The following DISC1 variants were observed in gnomAD, a reference collection of about 807,000 sequenced individuals.
The protein encoded by DISC1 is disrupted in schizophrenia 1 protein.
In DISC1, 57 loss-of-function variants were observed where a neutral mutation model predicts 84.5. That is an observed-to-expected ratio of 0.67 (90% CI 0.55 to 0.84). The LOEUF (loss-of-function observed/expected upper bound fraction) is 0.84. Ranked by LOEUF, DISC1 falls within the 40% of genes least tolerant of loss-of-function variation. The pLI is 0.00. For synonymous variants in DISC1, 411 were observed against 415.2 expected, an observed-to-expected ratio of 0.99 and a Z score of 0.12; for missense variants, 1,000 against 1,057.8, an observed-to-expected ratio of 0.95 and a Z score of 0.76.
intron 9 of DISC1, among the ~76,000 whole-genome samples, chr1:231,820,340 A>T (rs11122343): frequency 0.53 from 80,444 of 151,950 alleles, 22,165 homozygotes; most frequent in Non-Finnish European, 0.59. Context: ...TTGTGTTTTG[A>T]GGGTTAAAAA....
intron 9 of DISC1, among the ~76,000 whole-genome samples, chr1:231,855,927 G>A (rs781634714): frequency 5.3e-5 from 8 of 152,216 alleles, no homozygotes; most frequent in Non-Finnish European, 8.8e-5. Context: ...CTGCTGTACT[G>A]TTTAAGCTCA....
At chr1:231,863,077 A>G (rs1294927959) in intron 9 of DISC1, among the ~76,000 whole-genome samples, 1 of 152,154 alleles carries the variant, frequency 6.6e-6, no homozygotes, top group African/African-American at 2.4e-5. Flanking sequence ...AAAGACCAAC[A>G]TGTCTTCATT....
At chr1:231,985,187 A>G (rs1244519934) in intron 10 of DISC1, among the ~76,000 whole-genome samples, 1 of 151,840 alleles carries the variant, frequency 6.6e-6, no homozygotes, top group Admixed American at 6.6e-5. Context: ...TTAGCCAGGC[A>G]TGGTGGTGCA....
intron 12 of DISC1, among the ~76,000 whole-genome samples, chr1:232,033,527 G>T (rs978480846): frequency 6.6e-6 from 1 of 152,212 alleles, no homozygotes; most frequent in African/African-American, 2.4e-5. Context: ...TGTGAACACA[G>T]CACAGCTGGA....
chr1:231,959,971 G>T (rs997346884), intron 10 of DISC1, among the ~76,000 whole-genome samples: 1 of 152,120 alleles, frequency 6.6e-6, no homozygotes, highest in Non-Finnish European at 1.5e-5. Context: ...AGCACACACC[G>T]TAAGTTACAT....
chr1:231,754,377 CA>C (rs1223065965), intron 4 of DISC1, among the ~76,000 whole-genome samples: 7 of 152,280 alleles, frequency 4.6e-5, no homozygotes, highest in African/African-American at 1.7e-4. Flanking sequence ...AGGAAACTTA[CA>C]ATCATGGCAG....
At chr1:231,693,389 A>G (rs1287121126) in intron 1 of DISC1, among the ~76,000 whole-genome samples, 1 of 152,242 alleles carries the variant, frequency 6.6e-6, no homozygotes, top group Non-Finnish European at 1.5e-5. Flanking sequence ...TTCAACGAAT[A>G]GCTAGAGTAA....
rs1667807554 is a variant in DISC1 at position 232,009,226 on chromosome 1, T to A, written c.2307+177T>A. 5 of 1,416,218 alleles carry A rather than the reference T, an allele frequency of 3.5e-6. No individual in the cohort carries two copies. Among genetic ancestry groups the A allele is most frequent in the Non-Finnish European group, 4.6e-6 (5 of 1,088,436 alleles). 87.7% of individuals were successfully genotyped at this position (1,416,218 alleles called of 1,614,324 possible). ...AAATAAAGTAGAATTTTTGTAGAAG[T>A]TTGAAATATAGAAGAGCAAAAAAAC... On this transcript the variant is annotated intron_variant, in intron 11 of 12. Coordinates refer to ENST00000439617, the MANE Select transcript of DISC1 (RefSeq NM_018662.3). This position sits in a 1 kb window ranked among gnomAD's most constrained non-coding sequence, Gnocchi z 4.6.
intron 9 of DISC1, among the ~76,000 whole-genome samples, chr1:231,891,783 C>T (rs1337620901): frequency 6.6e-6 from 1 of 152,166 alleles, no homozygotes; most frequent in Non-Finnish European, 1.5e-5. Flanking sequence ...ATTATACCCA[C>T]CAGACTATTT....
At chr1:232,030,993 G>C (rs1287166867) in intron 12 of DISC1, among the ~76,000 whole-genome samples, 2 of 152,036 alleles carry the variant, frequency 1.3e-5, no homozygotes, top group Non-Finnish European at 2.9e-5. Context: ...CACACCTGTA[G>C]TCCCAGCTAC....
intron 8 of DISC1, among the ~76,000 whole-genome samples, chr1:231,801,382 A>G (rs1360621949): frequency 2.0e-5 from 3 of 152,236 alleles, no homozygotes; most frequent in Non-Finnish European, 4.4e-5. Context: ...AGTCTGTGTT[A>G]AGCCCAAGGG....
chr1:232,035,809 C>T (rs532580958), intron 12 of DISC1, among the ~76,000 whole-genome samples: 8 of 152,282 alleles, frequency 5.3e-5, no homozygotes, highest in East Asian at 1.9e-4. Flanking sequence ...AACTGGATGA[C>T]GTATGGACAG....
At chr1:231,902,411 G>A (rs2088253495) in intron 9 of DISC1, among the ~76,000 whole-genome samples, 1 of 152,006 alleles carries the variant, frequency 6.6e-6, no homozygotes, top group African/African-American at 2.4e-5. Context: ...GATCAGTCTG[G>A]CCAACATGAT....
chr1:232,019,425 C>G (rs202017555), intron 11 of DISC1, among the ~76,000 whole-genome samples: 1 of 152,156 alleles, frequency 6.6e-6, no homozygotes, highest in Non-Finnish European at 1.5e-5. Flanking sequence ...TCTTCAAAGA[C>G]ACTTTGAAAT....
chr1:231,735,558 T>C (rs902316160), intron 3 of DISC1, among the ~76,000 whole-genome samples: 4 of 152,250 alleles, frequency 2.6e-5, no homozygotes, highest in East Asian at 1.9e-4. Flanking sequence ...ATATAGGTTT[T>C]GGAGTCAGAC....
rs1450177816 is a variant in DISC1, at chr1:231,781,084, C to T, written c.1634+10014C>T. On this transcript the variant is annotated intron_variant, in intron 6 of 12. Coordinates refer to ENST00000439617, the MANE Select transcript of DISC1 (RefSeq NM_018662.3). ...TAGATGACGGTTAGTGGGTTCAGCGCACCAGCATGGCACATGTATATATAT... is the reference window on the plus strand; with the variant it reads ...TAGATGACGGTTAGTGGGTTCAGCGTACCAGCATGGCACATGTATATATAT... Among the ~76,000 whole-genome samples, 3 of 146,888 alleles carry T rather than the reference C, an allele frequency of 2.0e-5. No individual in the cohort carries two copies. The East Asian group carries it at 6.1e-4, about 30-fold the overall frequency.
chr1:231,706,576 A>G (rs554019641), intron 3 of DISC1, among the ~76,000 whole-genome samples: 27 of 152,358 alleles, frequency 1.8e-4, no homozygotes, highest in South Asian at 4.1e-4. Flanking sequence ...ACTTATATCA[A>G]TGTGACATAT....
chr1:231,749,354 A>G (rs527304628), intron 3 of DISC1, among the ~76,000 whole-genome samples: 16 of 152,338 alleles, frequency 1.1e-4, no homozygotes, highest in Admixed American at 6.5e-4. Flanking sequence ...CACAGATTCT[A>G]TATTTATACC....
chr1:231,912,634 C>G (rs547457319), intron 9 of DISC1, among the ~76,000 whole-genome samples: 34 of 152,244 alleles, frequency 2.2e-4, no homozygotes, highest in Non-Finnish European at 3.4e-4. Flanking sequence ...AGTCAGGGAC[C>G]CACTTGAGGA....
Sources: allele counts gnomAD v4.1 joint callset (sites outside exome capture counted in the v4.1 genomes callset), GRCh38; gene constraint gnomAD v4.1.1; non-coding constraint Gnocchi (gnomAD v3.1); transcripts MANE v1.5; gene names NCBI Gene and HGNC (gene_info 2026-07-23, HGNC 2026-07-21).